TXN2: variants seen among roughly 807,000 people sequenced by gnomAD.
TXN2 encodes the protein thioredoxin, mitochondrial.
Under a neutral mutation model 14.6 loss-of-function variants are expected in TXN2, and 12 were observed. That is an observed-to-expected ratio of 0.82 (90% CI 0.53 to 1.33). The LOEUF (loss-of-function observed/expected upper bound fraction) is 1.33. Among genes scored for constraint, TXN2 ranks in the 40% most tolerant of loss-of-function variants. The probability of loss-of-function intolerance (pLI) is 0.00; values close to 1 mark genes in which losing one functional copy is unlikely to be tolerated. For synonymous variants in TXN2, 89 were observed against 81.0 expected, an observed-to-expected ratio of 1.10 and a Z score of -0.53; for missense variants, 173 against 207.7, an observed-to-expected ratio of 0.83 and a Z score of 1.03.
chr22:36,468,134 C>G (rs1438298667), intron 3 of TXN2, among the ~76,000 whole-genome samples: 1 of 152,186 alleles, frequency 6.6e-6, no homozygotes, highest in Non-Finnish European at 1.5e-5. Context: ...TGCGGGCTCC[C>G]AACAGTACCC....
rs562365208 is a variant in TXN2, at chr22:36,476,921, C to T, written c.264-65G>A. ...AGCGCTCAGCATCCCCTACTGGCTT[C>T]CCAGACCTGCATCTTTCCAAGGAAT... is the stretch of plus-strand genomic sequence containing the variant. On this transcript the variant is annotated intron_variant, in intron 2 of 3. Coordinates refer to ENST00000216185, the MANE Select transcript of TXN2 (RefSeq NM_012473.4). 1.3e-5 allele frequency: 20 copies of T among 1,598,628 alleles called. 1 individual carries two copies. In the Middle Eastern group the frequency reaches 6.7e-4, roughly 53 times the overall value.
At chr22:36,470,541 T>C (rs1359314396) in intron 3 of TXN2, among the ~76,000 whole-genome samples, 2 of 150,716 alleles carry the variant, frequency 1.3e-5, no homozygotes, top group Admixed American at 6.6e-5. Context: ...AATTAAAATA[T>C]ATGCTTTATG....
intron 2 of TXN2, among the ~76,000 whole-genome samples, chr22:36,477,544 T>C (rs533477616): frequency 5.9e-5 from 9 of 152,338 alleles, no homozygotes; most frequent in African/African-American, 1.9e-4. Context: ...AGAGAGATTA[T>C]GGCTCTCAAA....
intron 3 of TXN2, among the ~76,000 whole-genome samples, chr22:36,469,813 G>A (rs867345211): frequency 1.3e-5 from 2 of 152,014 alleles, no homozygotes; most frequent in African/African-American, 2.4e-5. Context: ...AAAATTAGCC[G>A]GGCGTGGTGG....
chr22:36,479,506 AT>A (rs1933455523), intron 2 of TXN2, among the ~76,000 whole-genome samples: 1 of 151,530 alleles, frequency 6.6e-6, no homozygotes, highest in African/African-American at 2.4e-5. Context: ...TAATTTTTGT[AT>A]TTTTGGTAGA....
intron 1 of TXN2, 69 bp downstream of exon 1, chr22:36,481,495 G>T: frequency 1.2e-6 from 1 of 865,538 alleles, no homozygotes; most frequent in Non-Finnish European, 1.4e-6. Context: ...CCGCCAGCCT[G>T]CGCAGGAACG....
chr22:36,476,318 C>T (rs964211565), intron 3 of TXN2, among the ~76,000 whole-genome samples: 7 of 152,238 alleles, frequency 4.6e-5, no homozygotes, highest in Non-Finnish European at 7.4e-5. Context: ...ACCGGCTGGG[C>T]GCAGTGGCTC....
intron 3 of TXN2, among the ~76,000 whole-genome samples, chr22:36,476,302 C>T (rs1173267562): frequency 1.3e-5 from 2 of 151,970 alleles, no homozygotes; most frequent in Non-Finnish European, 1.5e-5. Flanking sequence ...TAAAAGCTCT[C>T]GAAAAACCGG....
intron 2 of TXN2, among the ~76,000 whole-genome samples, chr22:36,478,102 A>C (rs1603489075): frequency 1.4e-5 from 2 of 141,342 alleles, no homozygotes; most frequent in East Asian, 4.1e-4. Flanking sequence ...GTGCCACTGC[A>C]CTCCAGCCTG....
At chr22:36,472,003 C>T (rs1305821026) in intron 3 of TXN2, among the ~76,000 whole-genome samples, 1 of 144,882 alleles carries the variant, frequency 6.9e-6, no homozygotes, top group African/African-American at 2.5e-5. Flanking sequence ...GGATCTGAAA[C>T]AAGATCTGTT....
chr22:36,478,024 C>T, intron 2 of TXN2, among the ~76,000 whole-genome samples: 1 of 149,108 alleles, frequency 6.7e-6, no homozygotes. Context: ...GTAATCCCAG[C>T]TTCTAGGAAG....
chr22:36,468,715 T>C (rs1340951397), intron 3 of TXN2: 20 of 429,076 alleles, frequency 4.7e-5, no homozygotes, highest in Non-Finnish European at 9.1e-5. Context: ...ACAGAGACCC[T>C]GCCTCAAAAA....
At chr22:36,470,111 C>G (rs968909307) in intron 3 of TXN2, among the ~76,000 whole-genome samples, 1 of 152,222 alleles carries the variant, frequency 6.6e-6, no homozygotes, top group African/African-American at 2.4e-5. Context: ...ATCTTGGAAG[C>G]CAGTAAGATT....
Position 36,480,579 on chromosome 22 carries a change from C to T in TXN2, c.259G>A (p.Ala87Thr), listed in dbSNP as rs1933478541. Residue 87 changes from alanine (A) to threonine (T), a missense_variant, in exon 2 of 4, where the codon GCA becomes ACA. By Grantham distance (58) the Ala-to-Thr change is moderately conservative (BLOSUM62 0). Coordinates refer to ENST00000216185, the MANE Select transcript of TXN2 (RefSeq NM_012473.4). ...SETPVVVDFH[A>T]QWCGPCKILG... ...CTGTGGACCCCCAATACTCACTGTG[C>T]GTGGAAATCCACAACCACTGGTGTC... The T allele has an allele frequency of 8.7e-6, 14 of 1,612,858 alleles. No individual in the cohort carries two copies. The highest frequency in any genetic ancestry group is 2.2e-5 in the East Asian group (1 of 44,900).
chr22:36,481,364 C>T (rs1933498971), intron 1 of TXN2, 200 bp downstream of exon 1: 1 of 157,806 alleles, frequency 6.3e-6, no homozygotes, highest in Non-Finnish European at 1.4e-5. Flanking sequence ...GAACCAAAAA[C>T]GAAGAGACAT....
chr22:36,476,800 T>C lies in TXN2; in HGVS notation c.320A>G (p.Gln107Arg). The change falls in exon 3 of 4, where the codon CAG (glutamine) becomes CGG (arginine). Residue 107 changes from glutamine to arginine, a missense_variant. Gln to Arg is a conservative substitution (Grantham distance 43, BLOSUM62 1). Coordinates refer to ENST00000216185, the MANE Select transcript of TXN2 (RefSeq NM_012473.4). ...CTTGGCCATCACCACCTTCCCGTGC[T>C]GCTTGGCCACCATCTTCTCTAACCT... ...GPRLEKMVAKQHGKVVMAKVD... is the reference protein window; with the variant it reads ...GPRLEKMVAKRHGKVVMAKVD... The C allele has an allele frequency of 6.2e-7, 1 of 1,614,208 alleles. No homozygotes were observed. Among genetic ancestry groups the C allele is most frequent in the South Asian group, 1.1e-5 (1 of 91,088 alleles).
Position 36,467,779 on chromosome 22 carries a change from G to A in TXN2, c.*25C>T, listed in dbSNP as rs776988782. On this transcript the variant is annotated 3_prime_UTR_variant, in exon 4 of 4. Coordinates refer to ENST00000216185, the MANE Select transcript of TXN2 (RefSeq NM_012473.4). ...TTCTATTGGGGTCCCACGCGGGCAA[G>A]GGAACCAGGACTCATCCCTGCTTGT... 2.1e-5 allele frequency: 34 copies of A among 1,596,046 alleles called. No individual in the cohort carries two copies. The highest frequency in any genetic ancestry group is 2.9e-5 in the Non-Finnish European group (34 of 1,164,896).
intron 2 of TXN2, among the ~76,000 whole-genome samples, chr22:36,478,123 ACT>A (rs1317594827): frequency 7.1e-5 from 9 of 126,528 alleles, no homozygotes; most frequent in Non-Finnish European, 9.6e-5. Flanking sequence ...GGCGACAGAG[ACT>A]CTGTCTCAAA....
chr22:36,479,031 G>T (rs1438024573), intron 2 of TXN2, among the ~76,000 whole-genome samples: 2 of 152,208 alleles, frequency 1.3e-5, no homozygotes, highest in Non-Finnish European at 2.9e-5. Context: ...GGAGGCCAAG[G>T]TGGGAGGATT....
Sources: allele counts gnomAD v4.1 joint callset (sites outside exome capture counted in the v4.1 genomes callset), GRCh38; gene constraint gnomAD v4.1.1; transcripts MANE v1.5; gene names NCBI Gene and HGNC (gene_info 2026-07-23, HGNC 2026-07-21).